Variants in COL26A1 observed in about 807,000 individuals in gnomAD.
COL26A1 encodes the protein collagen alpha-1(XXVI) chain.
In COL26A1, 41 loss-of-function variants were observed where a neutral mutation model predicts 59.3. The observed-to-expected ratio is 0.69, with a 90% CI of 0.54 to 0.90. The LOEUF (loss-of-function observed/expected upper bound fraction) is 0.90, where lower values mean the gene tolerates loss of function less well. COL26A1 is among the 40% of genes least tolerant of loss of function. COL26A1 has a pLI of 0.00. For missense variants in COL26A1, 612 were observed against 602.3 expected (o/e 1.02, Z -0.17); for synonymous variants, 266 against 256.0 (o/e 1.04, Z -0.37).
chr7:101,394,821 T>G (rs1340712588), intron 1 of COL26A1, among the ~76,000 whole-genome samples: 1 of 151,454 alleles, frequency 6.6e-6, no homozygotes. Context: ...CAGTTCTCCT[T>G]GGCTGTTGCT....
chr7:101,535,483 C>A (rs1176945563), intron 4 of COL26A1, among the ~76,000 whole-genome samples: 1 of 152,188 alleles, frequency 6.6e-6, no homozygotes, highest in African/African-American at 2.4e-5. Context: ...CCCCCACCCA[C>A]CTGGCCCACA....
intron 3 of COL26A1, among the ~76,000 whole-genome samples, chr7:101,528,999 C>G (rs1795310276): frequency 6.6e-6 from 1 of 152,042 alleles, no homozygotes; most frequent in Non-Finnish European, 1.5e-5. Context: ...AACCCTATCT[C>G]TACTAAAAAT....
At chr7:101,427,615 C>G (rs976839214) in intron 2 of COL26A1, among the ~76,000 whole-genome samples, 1 of 151,184 alleles carries the variant, frequency 6.6e-6, no homozygotes, top group Non-Finnish European at 1.5e-5. Flanking sequence ...TAACCAAGAT[C>G]GTGCCACTGC....
chr7:101,509,454 GAAAAA>G (rs1412416954), intron 3 of COL26A1, among the ~76,000 whole-genome samples: 1 of 151,858 alleles, frequency 6.6e-6, no homozygotes, highest in Non-Finnish European at 1.5e-5. Flanking sequence ...TCAAAAAAAA[GAAAAA>G]AGAAAAGAAG....
intron 3 of COL26A1, among the ~76,000 whole-genome samples, chr7:101,472,976 T>C (rs2130467251): frequency 6.6e-6 from 1 of 152,352 alleles, no homozygotes; most frequent in South Asian, 2.1e-4. Context: ...GGGCCTCTCA[T>C]TCAGTGCTTC....
At chr7:101,540,273 C>T (rs977294508) in intron 5 of COL26A1, among the ~76,000 whole-genome samples, 6 of 152,260 alleles carry the variant, frequency 3.9e-5, no homozygotes, top group Non-Finnish European at 8.8e-5. Context: ...TGCAGTGGCT[C>T]ATGCCTGTAA....
chr7:101,527,173 G>A (rs1795264628), intron 3 of COL26A1, among the ~76,000 whole-genome samples: 1 of 151,720 alleles, frequency 6.6e-6, no homozygotes, highest in South Asian at 2.1e-4. Context: ...GTCCTGCCAT[G>A]TTGCCCCGAC....
At chr7:101,528,050 G>A (rs753322525) in intron 3 of COL26A1, among the ~76,000 whole-genome samples, 6 of 152,166 alleles carry the variant, frequency 3.9e-5, no homozygotes, top group Non-Finnish European at 8.8e-5. Flanking sequence ...GTTCTGGAGC[G>A]CCTGCCCGGG....
intron 3 of COL26A1, among the ~76,000 whole-genome samples, chr7:101,484,473 C>A (rs182778526): frequency 6.6e-6 from 1 of 151,154 alleles, no homozygotes; most frequent in South Asian, 2.1e-4. Context: ...CAGGTTCCAG[C>A]GATTCTCCTG....
At chr7:101,472,909 G>A (rs1027775242) in intron 3 of COL26A1, among the ~76,000 whole-genome samples, 6 of 152,130 alleles carry the variant, frequency 3.9e-5, no homozygotes, top group African/African-American at 7.2e-5. Flanking sequence ...CCGACATGGC[G>A]TTGGAATGTT....
At chr7:101,556,787 CAGGT>C (rs1157551379) in intron 12 of COL26A1, among the ~76,000 whole-genome samples, 13 of 149,718 alleles carry the variant, frequency 8.7e-5, no homozygotes, top group Non-Finnish European at 1.3e-4. Context: ...GGTGAGTGGA[CAGGT>C]AGGTGGGTGA....
intron 3 of COL26A1, among the ~76,000 whole-genome samples, chr7:101,512,538 C>A (rs1794947842): frequency 6.6e-6 from 1 of 152,074 alleles, no homozygotes; most frequent in Admixed American, 6.6e-5. Flanking sequence ...AGGAGGGTCG[C>A]CTGAGTCCAG....
chr7:101,402,696 CTTCCT>C (rs1792042426), intron 1 of COL26A1, among the ~76,000 whole-genome samples: 1 of 125,006 alleles, frequency 8.0e-6, no homozygotes, highest in African/African-American at 3.1e-5. Flanking sequence ...CCTTTCACTG[CTTCCT>C]TTCATTTCTT....
intron 3 of COL26A1, among the ~76,000 whole-genome samples, chr7:101,489,699 G>GTCTT (rs1554421183): frequency 4.1e-5 from 2 of 49,154 alleles, no homozygotes; most frequent in East Asian, 4.1e-4. Flanking sequence ...CTTTCTTTCT[G>GTCTT]TCTTTCTTTC....
intron 1 of COL26A1, among the ~76,000 whole-genome samples, chr7:101,417,660 A>G (rs149995471): frequency 4.6e-3 from 202 of 44,010 alleles, no homozygotes; most frequent in African/African-American, 7.8e-3. Flanking sequence ...AGACATAGAT[A>G]TAGAGATATA....
intron 1 of COL26A1, among the ~76,000 whole-genome samples, chr7:101,393,773 G>T (rs1028836729): frequency 2.6e-5 from 4 of 151,202 alleles, no homozygotes; most frequent in African/African-American, 7.3e-5. Context: ...TAGAGACAGG[G>T]TCTCACTCTG....
At chr7:101,401,566 GAAAGAGGAGGAGGA>G (rs1461012222) in intron 1 of COL26A1, among the ~76,000 whole-genome samples, 2 of 141,992 alleles carry the variant, frequency 1.4e-5, no homozygotes, top group African/African-American at 5.3e-5. Flanking sequence ...AGGAAGAAGA[GAAAGAGGAGGAGGA>G]AAAGGAGGAG....
intron 3 of COL26A1, among the ~76,000 whole-genome samples, chr7:101,476,430 A>C (rs1190305304): frequency 2.0e-5 from 3 of 152,236 alleles, no homozygotes; most frequent in African/African-American, 7.2e-5. Context: ...TCTATAAAAT[A>C]GAATAAGAGC....
intron 3 of COL26A1, among the ~76,000 whole-genome samples, chr7:101,500,281 G>GTCTCTCCTCCTCTCTGGGCTA (rs1446382956): frequency 6.6e-6 from 1 of 152,182 alleles, no homozygotes; most frequent in Non-Finnish European, 1.5e-5. Flanking sequence ...ACTTGCTGTG[G>GTCTCTCCTCCTCTCTGGGCTA]TCTCTCCTCC....
Sources: gnomAD v4.1 joint callset for allele counts (sites outside exome capture counted in the v4.1 genomes callset) on GRCh38, gnomAD v4.1.1 for gene constraint, MANE v1.5 for transcripts, NCBI Gene and HGNC (gene_info 2026-07-23, HGNC 2026-07-21) for gene names.